ZMYND11: variants seen among roughly 807,000 people sequenced by gnomAD.
The protein encoded by ZMYND11 is zinc finger MYND domain-containing protein 11.
Under a neutral mutation model 84.9 loss-of-function variants are expected in ZMYND11, and 9 were observed. The observed-to-expected ratio is 0.11, with a 90% CI of 0.06 to 0.18. The LOEUF is 0.18. ZMYND11 is among the 10% of genes least tolerant of loss of function. The pLI is 1.00. For missense variants in ZMYND11, 409 were observed against 761.0 expected (o/e 0.54, Z 5.44); for synonymous variants, 250 against 244.1 (o/e 1.02, Z -0.23).
intron 4 of ZMYND11, among the ~76,000 whole-genome samples, chr10:235,331 C>T (rs557727516): frequency 1.3e-5 from 2 of 152,184 alleles, no homozygotes; most frequent in Admixed American, 6.5e-5. Context: ...GTGGCTGTGT[C>T]ACTCATTTTA....
intron 14 of ZMYND11, among the ~76,000 whole-genome samples, chr10:251,233 T>C (rs1236240288): frequency 1.3e-5 from 2 of 152,164 alleles, no homozygotes; most frequent in African/African-American, 2.4e-5. Flanking sequence ...ATGGTGGTGC[T>C]GTGTAAAGTC....
At chr10:151,290 C>A (rs1333203791) in intron 1 of ZMYND11, among the ~76,000 whole-genome samples, 5 of 152,092 alleles carry the variant, frequency 3.3e-5, no homozygotes, top group African/African-American at 9.7e-5. Flanking sequence ...AAGTTCGAAC[C>A]CATCGCAAAG....
Position 253,522 on chromosome 10 carries a change from G to A in ZMYND11, c.*1052G>A, listed in dbSNP as rs1953880754. 2 of 152,584 alleles carry A rather than the reference G, an allele frequency of 1.3e-5. No homozygotes were observed. Among genetic ancestry groups the A allele is most frequent in the African/African-American group, 2.4e-5 (1 of 41,436 alleles). 9.5% of individuals were successfully genotyped at this position (152,584 alleles called of 1,614,324 possible). On this transcript the variant is annotated 3_prime_UTR_variant, in exon 15 of 15. Coordinates refer to ENST00000381604, the MANE Select transcript of ZMYND11 (RefSeq NM_001370100.5). ...TTAATTTTCTTGTATTAAAGATGCC[G>A]TGATTTGTAAAAAGTCTGTATTTTG...
intron 2 of ZMYND11, among the ~76,000 whole-genome samples, chr10:203,305 G>GCAACCAC (rs1943567896): frequency 6.6e-6 from 1 of 151,312 alleles, no homozygotes; most frequent in Non-Finnish European, 1.5e-5. Context: ...ATAAATACCA[G>GCAACCAC]CAACCACCAA....
upstream of ZMYND11, among the ~76,000 whole-genome samples, chr10:134,207 A>G (rs1462591626): frequency 1.3e-5 from 2 of 152,182 alleles, no homozygotes; most frequent in Non-Finnish European, 2.9e-5. Flanking sequence ...AATAAACCAG[A>G]ACAATTATAA....
chr10:169,925 C>T (rs191289330), intron 1 of ZMYND11, among the ~76,000 whole-genome samples: 25 of 137,210 alleles, frequency 1.8e-4, no homozygotes, highest in Non-Finnish European at 3.1e-4. Context: ...CAGACACCAA[C>T]CAAAGATCAA....
Position 236,879 on chromosome 10 carries a change from A to C in ZMYND11, c.480A>C (p.Thr160=). ...ATACAAACAAACAGGAGATGGGCAC[A>C]TACCTCAGATTCATTGTCTCCCGCA... ...KKNTNKQEMG[T]YLRFIVSRMK... The change falls in exon 5 of 15, where the codon ACA becomes ACC. Residue 160 remains threonine, a synonymous_variant. Transcript: ENST00000381604. The C allele has an allele frequency of 1.2e-6, 2 of 1,613,906 alleles. No homozygotes were observed. Among genetic ancestry groups the C allele is most frequent in the Non-Finnish European group, 1.7e-6 (2 of 1,179,932 alleles).
At chr10:210,579 C>T (rs1430352669) in intron 3 of ZMYND11, among the ~76,000 whole-genome samples, 2 of 152,156 alleles carry the variant, frequency 1.3e-5, no homozygotes, top group Non-Finnish European at 2.9e-5. Flanking sequence ...TGTACTGGAA[C>T]AGAAATCAAA....
intron 13 of ZMYND11, 117 bp from the exon 14 acceptor site, chr10:248,786 C>G (rs900377763): frequency 1.4e-6 from 2 of 1,420,874 alleles, no homozygotes; most frequent in African/African-American, 2.9e-5. Context: ...ATTTTTTACA[C>G]ATGTAATGAA....
intron 3 of ZMYND11, among the ~76,000 whole-genome samples, chr10:219,562 A>T (rs1416240259): frequency 6.6e-6 from 1 of 152,204 alleles, no homozygotes; most frequent in Non-Finnish European, 1.5e-5. Context: ...TAATTGATAA[A>T]TTGAAATAGC....
intron 1 of ZMYND11, among the ~76,000 whole-genome samples, chr10:155,611 G>A (rs991959284): frequency 4.6e-5 from 7 of 152,136 alleles, no homozygotes; most frequent in Admixed American, 6.5e-5. Context: ...CACGAAAAAG[G>A]TTTTGCTTGA....
chr10:166,216 G>A (rs1843981014), intron 1 of ZMYND11, among the ~76,000 whole-genome samples: 1 of 152,012 alleles, frequency 6.6e-6, no homozygotes, highest in Non-Finnish European at 1.5e-5. Context: ...GATACCAAAA[G>A]CATGAGCAAC....
At position 169,321 on chromosome 10, in the gene ZMYND11, C is replaced by T. The variant is rs535651511; in HGVS notation, c.-19-10673C>T. The stretch of plus-strand genomic sequence containing the variant: ...CTAAGACGGCCTCCCTTCCCCACAC[C>T]TTACACTATGTTATTAAAGTCCTAT... On this transcript the variant is annotated intron_variant, in intron 1 of 14. Transcript: ENST00000381604. 1.7e-4 allele frequency among the ~76,000 whole-genome samples: 26 copies of T among 152,204 alleles called. No homozygotes were observed. The South Asian group carries it at 5.2e-3, about 30-fold the overall frequency.
At chr10:169,807 G>C (rs1844861707) in intron 1 of ZMYND11, among the ~76,000 whole-genome samples, 2 of 152,086 alleles carry the variant, frequency 1.3e-5, no homozygotes, top group African/African-American at 4.8e-5. Context: ...CTACAGGAAA[G>C]CTATGAAAGA....
intron 4 of ZMYND11, among the ~76,000 whole-genome samples, chr10:235,862 ATG>A (rs1348661466): frequency 6.6e-6 from 1 of 152,218 alleles, no homozygotes; most frequent in African/African-American, 2.4e-5. Flanking sequence ...TAGATATTTT[ATG>A]TGTTTATAAA....
intron 1 of ZMYND11, among the ~76,000 whole-genome samples, chr10:158,482 G>C (rs148128349): frequency 3.3e-3 from 496 of 150,628 alleles, no homozygotes; most frequent in Middle Eastern, 6.8e-3. Flanking sequence ...ACAGTGGTGA[G>C]ATCTTGGCTC....
At chr10:156,299 C>T (rs1374575801) in intron 1 of ZMYND11, among the ~76,000 whole-genome samples, 1 of 152,100 alleles carries the variant, frequency 6.6e-6, no homozygotes, top group Non-Finnish European at 1.5e-5. Flanking sequence ...TATGATGACC[C>T]TGGGGAGTTA....
chr10:132,253 A>G (rs1169916337), upstream of ZMYND11, among the ~76,000 whole-genome samples: 5 of 150,208 alleles, frequency 3.3e-5, no homozygotes, highest in East Asian at 9.7e-4. Flanking sequence ...CTTCACAATA[A>G]ATCTTGCTGC....
intron 1 of ZMYND11, among the ~76,000 whole-genome samples, chr10:144,911 T>C (rs6560723): frequency 0.92 from 138,238 of 149,914 alleles, 64,180 homozygotes; most frequent in Non-Finnish European, 0.98. Flanking sequence ...TTTTTAAAAT[T>C]TCTTACTCCT....
Sources: allele counts gnomAD v4.1 joint callset (sites outside exome capture counted in the v4.1 genomes callset), GRCh38; gene constraint gnomAD v4.1.1; transcripts MANE v1.5; gene names NCBI Gene and HGNC (gene_info 2026-07-23, HGNC 2026-07-21).